The following ARID2 variants were observed in gnomAD, a reference collection of about 807,000 sequenced individuals.
ARID2 encodes the protein AT-rich interactive domain-containing protein 2.
A neutral mutation model predicts 184.6 loss-of-function variants in ARID2; 32 were observed. That is an observed-to-expected ratio of 0.17 (90% CI 0.13 to 0.23). The LOEUF (loss-of-function observed/expected upper bound fraction) is 0.23. Ranked by LOEUF, ARID2 falls within the 10% of genes least tolerant of loss-of-function variation. The pLI is 1.00. For synonymous variants in ARID2, 836 were observed against 772.6 expected (o/e 1.08, Z -1.36); for missense variants, 1,696 against 2,197.6 (o/e 0.77, Z 4.56).
intron 15 of ARID2, among the ~76,000 whole-genome samples, chr12:45,853,444 G>C (rs1943592212): frequency 6.6e-6 from 1 of 152,140 alleles, no homozygotes; most frequent in South Asian, 2.1e-4. Context: ...CAGATATTCT[G>C]ATATTCTTTT....
At chr12:45,894,699 G>A (rs35121) in intron 20 of ARID2, among the ~76,000 whole-genome samples, 93,309 of 151,968 alleles carry the variant, frequency 0.61, 30,699 homozygotes, top group African/African-American at 0.87. Flanking sequence ...TAAATGAACA[G>A]GAAAATTTTT....
chr12:45,775,843 C>A (rs1178721848), intron 3 of ARID2, among the ~76,000 whole-genome samples: 2 of 152,104 alleles, frequency 1.3e-5, no homozygotes, highest in Non-Finnish European at 2.9e-5. Flanking sequence ...GCTTTAAGTA[C>A]TTTATTGCTG....
intron 16 of ARID2, among the ~76,000 whole-genome samples, chr12:45,889,035 CAAAAAT>C (rs1944245261): frequency 6.6e-6 from 1 of 152,020 alleles, no homozygotes; most frequent in Non-Finnish European, 1.5e-5. Context: ...TAAAAAAATA[CAAAAAT>C]TAGGCATTGT....
chr12:45,745,455 G>T (rs949903562), intron 3 of ARID2, among the ~76,000 whole-genome samples: 1 of 152,094 alleles, frequency 6.6e-6, no homozygotes, highest in African/African-American at 2.4e-5. Context: ...AATCAGATCT[G>T]CATTTATTAC....
Position 45,863,574 on chromosome 12 carries a change from A to C in ARID2, c.4922+2625A>C, listed in dbSNP as rs558830308. 1.2e-4 allele frequency among the ~76,000 whole-genome samples: 18 copies of C among 152,226 alleles called. 1 individual carries two copies. The South Asian group carries it at 1.2e-3, about 11-fold the overall frequency. On this transcript the variant is annotated intron_variant, in intron 16 of 20. Coordinates refer to ENST00000334344, the MANE Select transcript of ARID2 (RefSeq NM_152641.4). Reference sequence around the variant, plus strand: ...TGCACTCCAGCCTCGGTTATAAAGTAAGACACTGTCTCTTTTTAAAAAAAA... The same window carrying C: ...TGCACTCCAGCCTCGGTTATAAAGTCAGACACTGTCTCTTTTTAAAAAAAA...
chr12:45,819,113 T>G (rs959345212), intron 5 of ARID2, among the ~76,000 whole-genome samples: 110 of 152,314 alleles, frequency 7.2e-4, no homozygotes, highest in African/African-American at 2.6e-3. Context: ...AAATGAAGCC[T>G]TTGAAAAGAA....
chr12:45,733,313 A>G (rs960652566), intron 3 of ARID2, among the ~76,000 whole-genome samples: 2 of 152,218 alleles, frequency 1.3e-5, no homozygotes, highest in African/African-American at 4.8e-5. Flanking sequence ...AAGAGGATAT[A>G]TATGATGCTA....
chr12:45,902,488 G>A (rs965714747), intron 20 of ARID2, among the ~76,000 whole-genome samples: 4 of 151,550 alleles, frequency 2.6e-5, no homozygotes, highest in Non-Finnish European at 5.9e-5. Context: ...TTCATTGATT[G>A]TGGGGAAAAA....
At chr12:45,770,553 C>T (rs1941856870) in intron 3 of ARID2, among the ~76,000 whole-genome samples, 1 of 152,208 alleles carries the variant, frequency 6.6e-6, no homozygotes, top group Admixed American at 6.5e-5. Flanking sequence ...AATGGGGATA[C>T]ACTGACAGTT....
At chr12:45,872,708 A>G (rs1943945886) in intron 16 of ARID2, among the ~76,000 whole-genome samples, 1 of 152,228 alleles carries the variant, frequency 6.6e-6, no homozygotes, top group Non-Finnish European at 1.5e-5. Flanking sequence ...GCCAAACCAT[A>G]TCAATTACTA....
At chr12:45,827,828 A>G (rs1248202582) in intron 6 of ARID2, among the ~76,000 whole-genome samples, 1 of 152,152 alleles carries the variant, frequency 6.6e-6, no homozygotes, top group East Asian at 1.9e-4. Context: ...GTGCAGGACC[A>G]TGGTAAACAA....
intron 11 of ARID2, among the ~76,000 whole-genome samples, chr12:45,845,478 C>T (rs941137770): frequency 1.3e-5 from 2 of 152,048 alleles, no homozygotes; most frequent in Non-Finnish European, 2.9e-5. Flanking sequence ...CCAAGTATAC[C>T]CAGCTCTGCT....
rs551107571 is a variant in ARID2, at chr12:45,871,604, T to A, written c.4922+10655T>A. Reference sequence around the variant, plus strand: ...CTTTGTCTGATTTTGGTAATAGGGTTATGCTGTCCTCATAGAATAAGTTAG... The same window carrying A: ...CTTTGTCTGATTTTGGTAATAGGGTAATGCTGTCCTCATAGAATAAGTTAG... On this transcript the variant is annotated intron_variant, in intron 16 of 20. Coordinates refer to ENST00000334344, the MANE Select transcript of ARID2 (RefSeq NM_152641.4). 2.0e-5 allele frequency among the ~76,000 whole-genome samples: 3 copies of A among 152,306 alleles called. No individual in the cohort carries two copies. In the South Asian group the frequency reaches 6.2e-4, roughly 32 times the overall value.
intron 18 of ARID2, among the ~76,000 whole-genome samples, chr12:45,892,405 G>A: frequency 6.6e-6 from 1 of 152,138 alleles, no homozygotes; most frequent in Non-Finnish European, 1.5e-5. Flanking sequence ...TAAAAGTACT[G>A]TGTATGGTTC....
rs561515954 is a variant in ARID2 at position 45,766,766 on chromosome 12, G to A, written c.284+35452G>A. On this transcript the variant is annotated intron_variant, in intron 3 of 20. Transcript: ENST00000334344. ...CCTGACCTTGTGATCCGCCCACCTCGGCCTCCCAGAGTGCTGGGATTACAG... is the reference window on the plus strand; with the variant it reads ...CCTGACCTTGTGATCCGCCCACCTCAGCCTCCCAGAGTGCTGGGATTACAG... 4.3e-4 allele frequency among the ~76,000 whole-genome samples: 66 copies of A among 152,150 alleles called. 1 individual carries two copies. The South Asian group carries it at 7.9e-3, about 18-fold the overall frequency.
chr12:45,731,175 T>G, intron 2 of ARID2, 42 bp from the exon 3 acceptor site: 1 of 1,404,328 alleles, frequency 7.1e-7, no homozygotes, highest in Non-Finnish European at 1.0e-6. Flanking sequence ...AAGATTTTCT[T>G]AGATTGTTCA....
rs757684231 is a variant in ARID2, at chr12:45,893,726, G to GT, written c.5363+6dup. On this transcript the variant is annotated splice_donor_region_variant and intron_variant, in intron 20 of 20. Transcript: ENST00000334344. ...ATATTCAGAATGTGGTCGCAGGTGA[G>GT]TAATATGTTTTCTGTAGCCAAAGTG... is the stretch of plus-strand genomic sequence containing the variant. 76 of 1,561,114 alleles carry GT rather than the reference G, an allele frequency of 4.9e-5. No individual in the cohort carries two copies. The highest frequency in any genetic ancestry group is 2.2e-4 in the Middle Eastern group (1 of 4,640).
At chr12:45,904,819 C>A in intron 20 of ARID2, 115 bp from the exon 21 acceptor site, 1 of 976,096 alleles carries the variant, frequency 1.0e-6, no homozygotes, top group Non-Finnish European at 1.5e-6. Context: ...TTAACATTTA[C>A]GGGGTGTGGA....
In ARID2 at chr12:45,905,133, T is replaced by C. The variant is rs1398610090; in HGVS notation, c.*55T>C. On this transcript the variant is annotated 3_prime_UTR_variant, in exon 21 of 21. Transcript: ENST00000334344. ...TCAAAGTCAGCCACATTTCACATAC[T>C]GTTACTGAAGAAAGCACCAAGTCTT... is the stretch of plus-strand genomic sequence containing the variant. 5 of 1,562,930 alleles carry C rather than the reference T, an allele frequency of 3.2e-6. No individual in the cohort carries two copies. In the African/African-American group the frequency reaches 4.1e-5, roughly 13 times the overall value.
Sources: gnomAD v4.1 joint callset for allele counts (sites outside exome capture counted in the v4.1 genomes callset) on GRCh38, gnomAD v4.1.1 for gene constraint, MANE v1.5 for transcripts, NCBI Gene and HGNC (gene_info 2026-07-23, HGNC 2026-07-21) for gene names.